GPC6: variants seen among roughly 807,000 people sequenced by gnomAD.
The protein encoded by GPC6 is glypican-6.
GPC6 carries 14 observed loss-of-function variants against 55.2 expected under a neutral mutation model. The ratio of observed to expected loss-of-function variants is 0.25; its 90% CI spans 0.17 to 0.40. The LOEUF is 0.40. Ranked by LOEUF, GPC6 falls within the 10% of genes least tolerant of loss-of-function variation. The probability of loss-of-function intolerance (pLI) is 1.00; values close to 1 mark genes in which losing one functional copy is unlikely to be tolerated. For synonymous variants in GPC6, 278 were observed against 259.6 expected (o/e 1.07, Z -0.68); for missense variants, 641 against 708.5 (o/e 0.90, Z 1.08).
intron 4 of GPC6, among the ~76,000 whole-genome samples, chr13:94,068,551 A>G (rs990057295): frequency 2.6e-5 from 4 of 152,148 alleles, no homozygotes; most frequent in African/African-American, 9.7e-5. Flanking sequence ...CCACAGTCCA[A>G]AGTCTCTTTT....
At chr13:94,165,702 AGTGCTACAAAG>A (rs1386938334) in intron 4 of GPC6, among the ~76,000 whole-genome samples, 1 of 152,202 alleles carries the variant, frequency 6.6e-6, no homozygotes, top group Non-Finnish European at 1.5e-5. Context: ...GGTATGCTAT[AGTGCTACAAAG>A]CTAGCATTTA....
intron 3 of GPC6, among the ~76,000 whole-genome samples, chr13:93,912,556 A>G (rs1877050955): frequency 6.6e-6 from 1 of 152,100 alleles, no homozygotes; most frequent in South Asian, 2.1e-4. Context: ...ATCCTGGCTA[A>G]CACGGTGAAA....
chr13:94,224,751 A>G (rs894815883), intron 4 of GPC6, among the ~76,000 whole-genome samples: 1 of 152,082 alleles, frequency 6.6e-6, no homozygotes, highest in South Asian at 2.1e-4. Flanking sequence ...AGCAGATGTT[A>G]TTATTCTTTA....
chr13:94,166,760 T>A (rs1173341218), intron 4 of GPC6, among the ~76,000 whole-genome samples: 11 of 152,220 alleles, frequency 7.2e-5, no homozygotes, highest in Admixed American at 7.2e-4. Flanking sequence ...TGTCAAAGAA[T>A]GCTGACATCC....
At chr13:93,484,792 T>G (rs1331498625) in intron 1 of GPC6, among the ~76,000 whole-genome samples, 1 of 152,190 alleles carries the variant, frequency 6.6e-6, no homozygotes, top group Admixed American at 6.6e-5. Flanking sequence ...TTGTCAATTC[T>G]GTGTTAGCGA....
intron 6 of GPC6, among the ~76,000 whole-genome samples, chr13:94,366,920 G>C (rs1484158000): frequency 6.6e-6 from 1 of 152,168 alleles, no homozygotes; most frequent in African/African-American, 2.4e-5. Context: ...AACAAAGCCA[G>C]GCAAGAGAGA....
At chr13:94,211,842 A>G (rs1425355576) in intron 4 of GPC6, among the ~76,000 whole-genome samples, 3 of 152,178 alleles carry the variant, frequency 2.0e-5, no homozygotes, top group Non-Finnish European at 4.4e-5. Context: ...AATGGGGAGA[A>G]GAGTCTAGCC....
intron 3 of GPC6, among the ~76,000 whole-genome samples, chr13:93,872,224 T>C (rs1375823151): frequency 6.6e-6 from 1 of 151,956 alleles, no homozygotes; most frequent in African/African-American, 2.4e-5. Flanking sequence ...CATTTGGAAC[T>C]TAAAATTTGC....
At chr13:93,964,268 G>T (rs966556538) in intron 3 of GPC6, among the ~76,000 whole-genome samples, 1 of 152,174 alleles carries the variant, frequency 6.6e-6, no homozygotes, top group African/African-American at 2.4e-5. Flanking sequence ...TGACAATTCA[G>T]TCATTGCTTC....
At chr13:93,439,814 C>G (rs558999913) in intron 1 of GPC6, among the ~76,000 whole-genome samples, 105 of 152,244 alleles carry the variant, frequency 6.9e-4, no homozygotes, top group African/African-American at 2.4e-3. Context: ...AGATATCTTC[C>G]TCTTCTACGC....
At chr13:93,290,363 A>G (rs576686146) in intron 1 of GPC6, among the ~76,000 whole-genome samples, 1 of 152,294 alleles carries the variant, frequency 6.6e-6, no homozygotes, top group African/African-American at 2.4e-5. Flanking sequence ...CCAGAAATTC[A>G]GTGATAATAT....
chr13:93,251,106 TC>T (rs1876773041), intron 1 of GPC6, among the ~76,000 whole-genome samples: 1 of 152,104 alleles, frequency 6.6e-6, no homozygotes, highest in Admixed American at 6.5e-5. Flanking sequence ...TCCCACTGGG[TC>T]CCTCTACAAC....
At chr13:93,793,371 C>G (rs1301471604) in intron 2 of GPC6, among the ~76,000 whole-genome samples, 1 of 152,186 alleles carries the variant, frequency 6.6e-6, no homozygotes, top group African/African-American at 2.4e-5. Context: ...TATTCATGCT[C>G]TCTGAGTGAA....
intron 4 of GPC6, among the ~76,000 whole-genome samples, chr13:94,155,237 C>T (rs1425331616): frequency 1.3e-5 from 2 of 149,910 alleles, no homozygotes; most frequent in Non-Finnish European, 3.0e-5. Context: ...CCACAACCTG[C>T]TCCTCCTTCT....
At chr13:94,003,776 A>G (rs9524310) in intron 3 of GPC6, among the ~76,000 whole-genome samples, 19,893 of 152,094 alleles carry the variant, frequency 0.13, 1,521 homozygotes, top group East Asian at 0.27. Flanking sequence ...ACATTTTGAT[A>G]ATTATAATTA....
At chr13:93,255,399 T>C (rs770327697) in intron 1 of GPC6, among the ~76,000 whole-genome samples, 26 of 152,184 alleles carry the variant, frequency 1.7e-4, no homozygotes, top group Non-Finnish European at 3.5e-4. Context: ...TTATAAACCA[T>C]AGTCACCATA....
At chr13:94,088,162 C>G (rs1885354709) in intron 4 of GPC6, among the ~76,000 whole-genome samples, 1 of 152,098 alleles carries the variant, frequency 6.6e-6, no homozygotes, top group Non-Finnish European at 1.5e-5. Context: ...TGTATTTCCC[C>G]TAGGAGCTCT....
At chr13:94,340,919 A>C (rs974666492) in intron 6 of GPC6, among the ~76,000 whole-genome samples, 1 of 152,232 alleles carries the variant, frequency 6.6e-6, no homozygotes, top group Non-Finnish European at 1.5e-5. Context: ...TAGTACTTCA[A>C]ATAGTCTTTA....
intron 1 of GPC6, among the ~76,000 whole-genome samples, chr13:93,313,664 T>C (rs1323225642): frequency 6.6e-6 from 1 of 152,132 alleles, no homozygotes; most frequent in African/African-American, 2.4e-5. Context: ...TAATAGATTT[T>C]TTTTTTAAAG....
Sources: allele counts gnomAD v4.1 joint callset (sites outside exome capture counted in the v4.1 genomes callset), GRCh38; gene constraint gnomAD v4.1.1; transcripts MANE v1.5; gene names NCBI Gene and HGNC (gene_info 2026-07-23, HGNC 2026-07-21).